Variants in FSD1L observed in about 807,000 individuals in gnomAD.
FSD1L encodes the protein fibronectin type III and SPRY domain containing 1 like.
Under a neutral mutation model 71.6 loss-of-function variants are expected in FSD1L, and 45 were observed. That is an observed-to-expected ratio of 0.63 (90% CI 0.49 to 0.81). The LOEUF is 0.81. Ranked by LOEUF, FSD1L falls within the 30% of genes least tolerant of loss-of-function variation. FSD1L has a pLI of 0.00. For missense variants in FSD1L, 561 were observed against 618.1 expected, an observed-to-expected ratio of 0.91 and a Z score of 0.98; for synonymous variants, 197 against 207.2, an observed-to-expected ratio of 0.95 and a Z score of 0.42.
chr9:105,448,127 C>T lies in FSD1L; in HGVS notation c.-94C>T, dbSNP rs1022302435. ...GGTGCCGGTGCGGGCTGGGGCAGTG[C>T]AGTGAGTAGCGGTCTTGGGGTGTGC... is the stretch of plus-strand genomic sequence containing the variant. On this transcript the variant is annotated 5_prime_UTR_variant, in exon 1 of 14. Transcript: ENST00000481272. 3.8e-6 allele frequency: 5 copies of T among 1,312,158 alleles called. No homozygotes were observed. In the South Asian group the frequency reaches 5.0e-5, roughly 13 times the overall value. 81.3% of individuals were successfully genotyped at this position (1,312,158 alleles called of 1,614,324 possible).
At chr9:105,516,264 C>T (rs2131393471) in intron 10 of FSD1L, among the ~76,000 whole-genome samples, 1 of 152,326 alleles carries the variant, frequency 6.6e-6, no homozygotes, top group Non-Finnish European at 1.5e-5. Flanking sequence ...GTGGGTGCAG[C>T]TTTAGCGACT....
Position 105,547,899 on chromosome 9 carries a change from A to G in FSD1L, c.*1416A>G, listed in dbSNP as rs909966795. ...AAAATATATTGTGCTATGATAACCA[A>G]CCTTCTTCCAAGGAGTGACCATTAC... On this transcript the variant is annotated 3_prime_UTR_variant, in exon 14 of 14. Transcript: ENST00000481272. The G allele has an allele frequency of 2.0e-5, 3 of 151,966 alleles. No individual in the cohort carries two copies. The highest frequency in any genetic ancestry group is 2.9e-5 in the Non-Finnish European group (2 of 67,910). The allele number at this position is 151,966 out of a possible 1,614,324, so 9.4% of individuals were successfully genotyped here. A position where few individuals can be genotyped will look rare whatever the true frequency, so the allele number is the denominator to read the frequency against.
rs542116966 is a variant in FSD1L, at chr9:105,550,326, G to T, written c.*3843G>T. 6.6e-6 allele frequency: 1 copy of T among 152,052 alleles called. No individual in the cohort carries two copies. The highest frequency in any genetic ancestry group is 1.5e-5 in the Non-Finnish European group (1 of 67,882). The allele number at this position is 152,052 out of a possible 1,614,324, so 9.4% of individuals were successfully genotyped here. A position where few individuals can be genotyped will look rare whatever the true frequency, so the allele number is the denominator to read the frequency against. ...ATGGGCCTGAAAAAGTTTCTTCTTT[G>T]ATTATGTAGTTACTCTAGATACATT... is the stretch of plus-strand genomic sequence containing the variant. On this transcript the variant is annotated 3_prime_UTR_variant, in exon 14 of 14. Coordinates refer to ENST00000481272, the MANE Select transcript of FSD1L (RefSeq NM_001145313.3).
chr9:105,504,575 G>A (rs1833943313), intron 7 of FSD1L, among the ~76,000 whole-genome samples: 2 of 152,100 alleles, frequency 1.3e-5, no homozygotes, highest in South Asian at 4.2e-4. Flanking sequence ...ATTAGCAAGA[G>A]TCATCTCTCA....
At chr9:105,508,088 C>G (rs1327923386) in intron 8 of FSD1L, among the ~76,000 whole-genome samples, 1 of 151,374 alleles carries the variant, frequency 6.6e-6, no homozygotes, top group African/African-American at 2.4e-5. Context: ...AGGCAGGTCT[C>G]AAACTCCTGA....
intron 7 of FSD1L, among the ~76,000 whole-genome samples, chr9:105,489,051 G>A (rs777911363): frequency 6.6e-6 from 1 of 151,932 alleles, no homozygotes; most frequent in South Asian, 2.1e-4. Flanking sequence ...ATTGAGAAAA[G>A]CATTAAGATT....
chr9:105,508,771 T>G, intron 9 of FSD1L, 56 bp downstream of exon 9: 5 of 1,066,638 alleles, frequency 4.7e-6, no homozygotes, highest in Non-Finnish European at 5.5e-6. Context: ...CTGAAGTTAT[T>G]CATAACTTTG....
chr9:105,509,005 T>C (rs939066138), intron 9 of FSD1L, among the ~76,000 whole-genome samples: 1 of 152,232 alleles, frequency 6.6e-6, no homozygotes, highest in East Asian at 1.9e-4. Flanking sequence ...AATAGGTAAG[T>C]ATCACTGAGA....
At chr9:105,521,865 A>G in intron 10 of FSD1L, 15 of 1,612,444 alleles carry the variant, frequency 9.3e-6, no homozygotes, top group Non-Finnish European at 1.2e-5. Flanking sequence ...CTCATCAAAT[A>G]TATTTCTTCT....
At chr9:105,444,482 A>G, upstream of FSD1L, among the ~76,000 whole-genome samples, 1 of 152,208 alleles carries the variant, frequency 6.6e-6, no homozygotes, top group Non-Finnish European at 1.5e-5. Context: ...ACTGAAAGGA[A>G]GGAAATTTCT....
chr9:105,519,888 C>T (rs1835007797), intron 10 of FSD1L, among the ~76,000 whole-genome samples: 1 of 152,188 alleles, frequency 6.6e-6, no homozygotes, highest in Non-Finnish European at 1.5e-5. Context: ...CCGTGCAGGG[C>T]CGGGAGAGGG....
intron 1 of FSD1L, among the ~76,000 whole-genome samples, chr9:105,454,996 C>T (rs1364363856): frequency 6.6e-6 from 1 of 152,094 alleles, no homozygotes; most frequent in African/African-American, 2.4e-5. Flanking sequence ...CTTTTTTTCA[C>T]CTTCTTGCAT....
intron 10 of FSD1L, chr9:105,521,629 C>T (rs1323744913): frequency 6.2e-6 from 10 of 1,613,128 alleles, no homozygotes; most frequent in African/African-American, 2.7e-5. Flanking sequence ...GTGATCACTT[C>T]TTCAGACCTC....
rs757134816 is a variant in FSD1L, at chr9:105,461,588, T to C, written c.84T>C (p.Ile28=). Residue 28 remains isoleucine, a synonymous_variant, in exon 2 of 14, where the codon ATT becomes ATC. Transcript: ENST00000481272. ...GTTTTCTGATCTCTAACATCACTAT[T>C]GGACCAGAGTCTATTAACTTGCAGC... ...KACFLISNIT[I]GPESINLQQE... 8 of 1,551,354 alleles carry C rather than the reference T, an allele frequency of 5.2e-6. No homozygotes were observed. The East Asian group carries it at 1.7e-4, about 33-fold the overall frequency.
At chr9:105,501,421 G>T (rs1385144202) in intron 7 of FSD1L, among the ~76,000 whole-genome samples, 2 of 151,532 alleles carry the variant, frequency 1.3e-5, no homozygotes, top group Admixed American at 6.6e-5. Context: ...AGTTCCCATC[G>T]TTTACAGTTT....
chr9:105,486,339 G>T (rs1467198986), intron 7 of FSD1L, among the ~76,000 whole-genome samples: 1 of 151,376 alleles, frequency 6.6e-6, no homozygotes, highest in Non-Finnish European at 1.5e-5. Context: ...ATTTAAAATG[G>T]TTTGTTCTTT....
rs1368410949 is a variant in FSD1L at position 105,513,684 on chromosome 9, G to A, written c.1025+748G>A. 1.1e-5 allele frequency: 15 copies of A among 1,407,818 alleles called. No individual in the cohort carries two copies. The South Asian group carries it at 1.7e-4, about 16-fold the overall frequency. The allele number at this position is 1,407,818 out of a possible 1,614,324, so 87.2% of individuals were successfully genotyped here. A position where few individuals can be genotyped will look rare whatever the true frequency, so the allele number is the denominator to read the frequency against. ...GGACTTAGTAAAATCTAGCTTGGCTGATTAAAAAAACTTTAATTTTATCTT... is the reference window on the plus strand; with the variant it reads ...GGACTTAGTAAAATCTAGCTTGGCTAATTAAAAAAACTTTAATTTTATCTT... On this transcript the variant is annotated intron_variant, in intron 10 of 13. Transcript: ENST00000481272.
At chr9:105,468,997 C>T (rs913933289) in intron 4 of FSD1L, among the ~76,000 whole-genome samples, 2 of 152,206 alleles carry the variant, frequency 1.3e-5, no homozygotes, top group African/African-American at 2.4e-5. Context: ...CTCTACATGT[C>T]TCATATAAGT....
At chr9:105,516,476 G>A (rs769462996) in intron 10 of FSD1L, among the ~76,000 whole-genome samples, 3 of 152,174 alleles carry the variant, frequency 2.0e-5, no homozygotes, top group East Asian at 3.9e-4. Context: ...CCTCTGGGAC[G>A]AAGCTTCCAG....
Sources: allele counts gnomAD v4.1 joint callset (sites outside exome capture counted in the v4.1 genomes callset), GRCh38; gene constraint gnomAD v4.1.1; transcripts MANE v1.5; gene names NCBI Gene and HGNC (gene_info 2026-07-23, HGNC 2026-07-21).